GALNTL6: variants seen among roughly 807,000 people sequenced by gnomAD.
GALNTL6 encodes the protein polypeptide N-acetylgalactosaminyltransferase like 6, also known as polypeptide N-acetylgalactosaminyltransferase-like 6.
Under a neutral mutation model 73.7 loss-of-function variants are expected in GALNTL6, and 46 were observed. The observed-to-expected ratio is 0.62, with a 90% confidence interval of 0.49 to 0.80. The LOEUF (loss-of-function observed/expected upper bound fraction) is 0.80, where lower values mean the gene tolerates loss of function less well. Ranked by LOEUF, GALNTL6 falls within the 30% of genes least tolerant of loss-of-function variation. The pLI, the probability that GALNTL6 is intolerant of heterozygous loss-of-function variation, is 0.00. For synonymous variants in GALNTL6, 259 were observed against 263.7 expected, an observed-to-expected ratio of 0.98 and a Z score of 0.17; for missense variants, 604 against 755.0, an observed-to-expected ratio of 0.80 and a Z score of 2.34.
intron 10 of GALNTL6, among the ~76,000 whole-genome samples, chr4:172,978,403 C>G (rs1750925012): frequency 6.6e-6 from 1 of 152,150 alleles, no homozygotes; most frequent in Non-Finnish European, 1.5e-5. Context: ...CAATAGACAT[C>G]TCACTCACAG....
intron 2 of GALNTL6, among the ~76,000 whole-genome samples, chr4:171,902,260 T>G (rs953388684): frequency 3.3e-5 from 5 of 152,086 alleles, no homozygotes; most frequent in Non-Finnish European, 7.4e-5. Flanking sequence ...TTCAGGAGGT[T>G]GTAAAAAAAG....
chr4:172,846,911 T>C (rs1743541390), intron 7 of GALNTL6, among the ~76,000 whole-genome samples: 2 of 152,178 alleles, frequency 1.3e-5, no homozygotes, highest in African/African-American at 4.8e-5. Flanking sequence ...TGTCATACAA[T>C]ATATCAAATT....
At chr4:172,325,725 A>G (rs906965152) in intron 4 of GALNTL6, among the ~76,000 whole-genome samples, 3 of 151,996 alleles carry the variant, frequency 2.0e-5, no homozygotes, top group African/African-American at 7.2e-5. Flanking sequence ...AATGAAGTAT[A>G]TATTCTTTAT....
intron 2 of GALNTL6, among the ~76,000 whole-genome samples, chr4:172,060,410 G>T (rs1323475381): frequency 1.3e-5 from 2 of 151,986 alleles, no homozygotes; most frequent in African/African-American, 4.8e-5. Context: ...TGAAATGTTA[G>T]AAATAATTGT....
intron 4 of GALNTL6, among the ~76,000 whole-genome samples, chr4:172,327,231 T>A (rs1281973544): frequency 6.6e-6 from 1 of 152,166 alleles, no homozygotes; most frequent in Non-Finnish European, 1.5e-5. Context: ...TAGTTTTGAT[T>A]TTTATATCTA....
At chr4:172,996,112 C>T (rs894046335) in intron 10 of GALNTL6, among the ~76,000 whole-genome samples, 6 of 151,906 alleles carry the variant, frequency 3.9e-5, no homozygotes, top group Non-Finnish European at 8.8e-5. Flanking sequence ...ATAGCAAAGA[C>T]ATGGAATCTA....
intron 2 of GALNTL6, among the ~76,000 whole-genome samples, chr4:171,982,048 C>T (rs564299348): frequency 6.6e-6 from 1 of 152,192 alleles, no homozygotes; most frequent in East Asian, 1.9e-4. Context: ...GTGAAAACTA[C>T]TACTAATTTC....
At chr4:171,827,940 T>C (rs984542554) in intron 2 of GALNTL6, among the ~76,000 whole-genome samples, 1 of 152,290 alleles carries the variant, frequency 6.6e-6, no homozygotes, top group Admixed American at 6.5e-5. Context: ...CCATGTAGTC[T>C]AGTAATATAA....
chr4:172,284,181 AT>A (rs1004834218), intron 3 of GALNTL6, among the ~76,000 whole-genome samples: 7 of 152,212 alleles, frequency 4.6e-5, no homozygotes, highest in Non-Finnish European at 8.8e-5. Context: ...TAGAAAAAAA[AT>A]AGGCTAAGAA....
chr4:172,010,819 C>T (rs951646107), intron 2 of GALNTL6, among the ~76,000 whole-genome samples: 1 of 151,932 alleles, frequency 6.6e-6, no homozygotes, highest in African/African-American at 2.4e-5. Context: ...CAAACAAGTG[C>T]TTGTGAAAAC....
Position 172,809,588 on chromosome 4 carries a change from G to A in GALNTL6, c.739+42G>A, listed in dbSNP as rs1422315404. 4 of 1,494,562 alleles carry A rather than the reference G, an allele frequency of 2.7e-6. No individual in the cohort carries two copies. The Admixed American group carries it at 6.1e-5, about 23-fold the overall frequency. The allele number at this position is 1,494,562 out of a possible 1,614,324, so 92.6% of individuals were successfully genotyped here. On this transcript the variant is annotated intron_variant, in intron 6 of 12. Transcript: ENST00000506823. This position sits in a 1 kb window ranked among gnomAD's most constrained non-coding sequence, Gnocchi z 4.4. Reference sequence around the variant, plus strand: ...AAGCACCATCCTGGGATGCCTCAGGGGAACTGAGCGGTTTGCTTCTATTTA... The same window carrying A: ...AAGCACCATCCTGGGATGCCTCAGGAGAACTGAGCGGTTTGCTTCTATTTA...
At chr4:171,829,821 G>T (rs1429876955) in intron 2 of GALNTL6, among the ~76,000 whole-genome samples, 5 of 151,990 alleles carry the variant, frequency 3.3e-5, no homozygotes, top group Non-Finnish European at 7.4e-5. Context: ...ATATGCTCAT[G>T]TACTACTCCC....
chr4:172,156,540 A>AGT (rs58197299), intron 2 of GALNTL6, among the ~76,000 whole-genome samples: 3,911 of 124,862 alleles, frequency 0.031, 218 homozygotes, highest in African/African-American at 0.071. Context: ...ATATATATAT[A>AGT]ATATATATAT....
At chr4:173,020,955 C>A (rs892107550) in intron 11 of GALNTL6, among the ~76,000 whole-genome samples, 4 of 152,158 alleles carry the variant, frequency 2.6e-5, no homozygotes, top group African/African-American at 9.7e-5. Context: ...CGCCTGTAAT[C>A]CCAGCTACTC....
chr4:172,028,722 A>C (rs928439110), intron 2 of GALNTL6, among the ~76,000 whole-genome samples: 2 of 152,030 alleles, frequency 1.3e-5, no homozygotes, highest in African/African-American at 2.4e-5. Flanking sequence ...CCAAACATGT[A>C]ATTATCAAAG....
intron 3 of GALNTL6, among the ~76,000 whole-genome samples, chr4:172,257,604 A>G (rs1161079967): frequency 6.6e-6 from 1 of 151,384 alleles, no homozygotes; most frequent in Non-Finnish European, 1.5e-5. Context: ...TGTAGAAAGC[A>G]GAGGTGTTTA....
chr4:172,452,090 A>G (rs1732234375), intron 5 of GALNTL6, among the ~76,000 whole-genome samples: 1 of 152,214 alleles, frequency 6.6e-6, no homozygotes, highest in African/African-American at 2.4e-5. Context: ...AATTCAGAGT[A>G]TTCCAGAATG....
At chr4:172,386,179 A>C (rs1004029750) in intron 5 of GALNTL6, among the ~76,000 whole-genome samples, 2 of 152,174 alleles carry the variant, frequency 1.3e-5, no homozygotes, top group African/African-American at 4.8e-5. Flanking sequence ...ACAAAAATAC[A>C]TTAATAATAA....
intron 3 of GALNTL6, among the ~76,000 whole-genome samples, chr4:172,277,689 G>A (rs1738886949): frequency 6.6e-6 from 1 of 152,134 alleles, no homozygotes; most frequent in Non-Finnish European, 1.5e-5. Flanking sequence ...GGCTGCACCT[G>A]CCTAGAGCAA....
Sources: gnomAD v4.1 joint callset for allele counts (sites outside exome capture counted in the v4.1 genomes callset) on GRCh38, gnomAD v4.1.1 for gene constraint, Gnocchi (gnomAD v3.1) non-coding constraint, MANE v1.5 for transcripts, NCBI Gene and HGNC (gene_info 2026-07-23, HGNC 2026-07-21) for gene names.